FAM107B: variants seen among roughly 807,000 people sequenced by gnomAD.
FAM107B encodes the protein protein FAM107B.
Under a neutral mutation model 31.5 loss-of-function variants are expected in FAM107B, and 21 were observed. That is an observed-to-expected ratio of 0.67 (90% CI 0.47 to 0.96). The LOEUF (loss-of-function observed/expected upper bound fraction) is 0.96. Among genes scored for constraint, FAM107B ranks in the 40% least tolerant of loss-of-function variants. The probability of loss-of-function intolerance (pLI) is 0.00; values close to 1 mark genes in which losing one functional copy is unlikely to be tolerated. For synonymous variants in FAM107B, 157 were observed against 141.5 expected, an observed-to-expected ratio of 1.11 and a Z score of -0.78; for missense variants, 452 against 377.1, an observed-to-expected ratio of 1.20 and a Z score of -1.64.
intron 1 of FAM107B, among the ~76,000 whole-genome samples, chr10:14,746,477 A>G (rs1283713132): frequency 2.6e-5 from 4 of 152,172 alleles, no homozygotes; most frequent in African/African-American, 9.7e-5. Flanking sequence ...GAGCTCTTGC[A>G]AGGCAGGCCT....
At chr10:14,687,250 C>T (rs1458361021) in intron 1 of FAM107B, among the ~76,000 whole-genome samples, 2 of 152,216 alleles carry the variant, frequency 1.3e-5, no homozygotes, top group East Asian at 3.8e-4. Context: ...CAAATCCACA[C>T]TTCCCCGGGC....
rs932908746 is a variant in FAM107B at position 14,556,340 on chromosome 10, C to T, written c.470-25825G>A. 1.8e-5 allele frequency: 18 copies of T among 985,262 alleles called. No individual in the cohort carries two copies. In the African/African-American group the frequency reaches 3.0e-4, roughly 16 times the overall value. The allele number at this position is 985,262 out of a possible 1,614,324, so 61.0% of individuals were successfully genotyped here. On this transcript the variant is annotated intron_variant, in intron 2 of 4. Coordinates refer to ENST00000181796, the MANE Select transcript of FAM107B (RefSeq NM_031453.4). ...TCAATGGTGACTCCTCCCAAATGCA[C>T]AGAAGATCTAGAAATGCTGACCTCA...
intron 2 of FAM107B, among the ~76,000 whole-genome samples, chr10:14,660,378 A>G (rs557597142): frequency 2.6e-5 from 4 of 152,216 alleles, no homozygotes; most frequent in Non-Finnish European, 5.9e-5. Flanking sequence ...AAAAATGGCC[A>G]CTAGAAAGAA....
intron 1 of FAM107B, among the ~76,000 whole-genome samples, chr10:14,694,751 T>G (rs1470188181): frequency 6.6e-6 from 1 of 152,232 alleles, no homozygotes; most frequent in African/African-American, 2.4e-5. Context: ...TGCATTTTCC[T>G]GATGACTAAT....
intron 1 of FAM107B, among the ~76,000 whole-genome samples, chr10:14,771,156 G>GAA (rs2131601035): frequency 6.6e-6 from 1 of 151,962 alleles, no homozygotes; most frequent in Non-Finnish European, 1.5e-5. Flanking sequence ...ACTTGGTAAT[G>GAA]AAAAATCTGG....
intron 2 of FAM107B, chr10:14,553,954 T>A (rs1400479553): frequency 5.3e-6 from 1 of 190,092 alleles, no homozygotes; most frequent in East Asian, 1.9e-4. Flanking sequence ...TTTAAAGCGG[T>A]TCAGGGGGCT....
intron 1 of FAM107B, among the ~76,000 whole-genome samples, chr10:14,717,601 C>T (rs142247910): frequency 1.3e-5 from 2 of 152,104 alleles, no homozygotes; most frequent in South Asian, 2.1e-4. Context: ...AGAGAGAGTG[C>T]GAGAGACTCA....
intron 1 of FAM107B, among the ~76,000 whole-genome samples, chr10:14,711,541 G>A (rs765840840): frequency 2.0e-5 from 3 of 152,182 alleles, no homozygotes; most frequent in Non-Finnish European, 4.4e-5. Context: ...GCCTAGCTGT[G>A]TAGTAGCCTA....
chr10:14,598,098 G>A (rs974392158), intron 2 of FAM107B, among the ~76,000 whole-genome samples: 1 of 152,144 alleles, frequency 6.6e-6, no homozygotes, highest in Non-Finnish European at 1.5e-5. Context: ...TATGTAGTTT[G>A]CCAACATTTT....
At chr10:14,629,521 A>ATATTTT (rs1172189422) in intron 2 of FAM107B, among the ~76,000 whole-genome samples, 2 of 97,818 alleles carry the variant, frequency 2.0e-5, no homozygotes, top group African/African-American at 8.8e-5. Context: ...ATATATATAT[A>ATATTTT]TTTTTTTTTG....
At chr10:14,694,532 C>T (rs1374775683) in intron 1 of FAM107B, among the ~76,000 whole-genome samples, 6 of 151,966 alleles carry the variant, frequency 3.9e-5, no homozygotes, top group Non-Finnish European at 7.4e-5. Context: ...TACAGGCATG[C>T]GCCACTATGC....
intron 2 of FAM107B, among the ~76,000 whole-genome samples, chr10:14,621,529 C>CA (rs1853010256): frequency 6.6e-6 from 1 of 152,156 alleles, no homozygotes; most frequent in South Asian, 2.1e-4. Context: ...AAAATTAAAA[C>CA]AAGACATTTG....
intron 1 of FAM107B, among the ~76,000 whole-genome samples, chr10:14,746,315 G>C (rs1832726261): frequency 6.6e-6 from 1 of 152,140 alleles, no homozygotes; most frequent in African/African-American, 2.4e-5. Flanking sequence ...AATATTGTAT[G>C]TGTGGATTTG....
At chr10:14,691,041 G>A (rs1855122003) in intron 1 of FAM107B, among the ~76,000 whole-genome samples, 1 of 151,838 alleles carries the variant, frequency 6.6e-6, no homozygotes, top group African/African-American at 2.4e-5. Flanking sequence ...GTTATGATCA[G>A]GCTTATTTTT....
intron 1 of FAM107B, among the ~76,000 whole-genome samples, chr10:14,701,092 A>T (rs1472793977): frequency 6.6e-6 from 1 of 152,310 alleles, no homozygotes; most frequent in Non-Finnish European, 1.5e-5. Flanking sequence ...ACTTCTATTA[A>T]GACATTTTTT....
At chr10:14,607,607 C>A (rs906258746) in intron 2 of FAM107B, among the ~76,000 whole-genome samples, 2 of 152,184 alleles carry the variant, frequency 1.3e-5, no homozygotes, top group African/African-American at 4.8e-5. Flanking sequence ...CAGCCCGAGT[C>A]TGATATACTG....
chr10:14,586,996 C>T (rs907010362), intron 2 of FAM107B, among the ~76,000 whole-genome samples: 2 of 152,200 alleles, frequency 1.3e-5, no homozygotes, highest in African/African-American at 2.4e-5. Context: ...GGAATAGTCT[C>T]GCCCATCAGG....
chr10:14,676,657 C>G (rs1290735733), intron 1 of FAM107B, among the ~76,000 whole-genome samples: 1 of 150,186 alleles, frequency 6.7e-6, no homozygotes, highest in Non-Finnish European at 1.5e-5. Context: ...CCCATTCTAT[C>G]TTTATTCTAT....
intron 2 of FAM107B, among the ~76,000 whole-genome samples, chr10:14,657,552 C>T (rs1454490292): frequency 6.6e-6 from 1 of 152,126 alleles, no homozygotes; most frequent in Non-Finnish European, 1.5e-5. Flanking sequence ...CCTTGGATTC[C>T]AGGGCAATTT....
Sources: gnomAD v4.1 joint callset for allele counts (sites outside exome capture counted in the v4.1 genomes callset) on GRCh38, gnomAD v4.1.1 for gene constraint, MANE v1.5 for transcripts, NCBI Gene and HGNC (gene_info 2026-07-23, HGNC 2026-07-21) for gene names.